Variants in MYO3B observed in about 807,000 individuals in gnomAD.
MYO3B encodes myosin IIIB, also known as myosin-IIIb.
A neutral mutation model predicts 174.6 loss-of-function variants in MYO3B; 156 were observed. The ratio of observed to expected loss-of-function variants is 0.89; its 90% CI spans 0.78 to 1.02. The LOEUF (loss-of-function observed/expected upper bound fraction) is 1.02, where lower values mean the gene tolerates loss of function less well. MYO3B is among the 50% of genes least tolerant of loss of function. The pLI, the probability that MYO3B is intolerant of heterozygous loss-of-function variation, is 0.00. For missense variants in MYO3B, 1,632 were observed against 1,639.4 expected (o/e 1.00, Z 0.08); for synonymous variants, 563 against 569.1 (o/e 0.99, Z 0.15).
chr2:170,395,568 G>A (rs926653517), intron 16 of MYO3B, among the ~76,000 whole-genome samples: 2 of 152,056 alleles, frequency 1.3e-5, no homozygotes, highest in African/African-American at 2.4e-5. Flanking sequence ...AATATGACTC[G>A]GGAGTCTTGA....
rs760919573 is a variant in MYO3B at position 170,254,304 on chromosome 2, A to G, written c.749+18168A>G. Among the ~76,000 whole-genome samples, 4 of 152,302 alleles carry G rather than the reference A, an allele frequency of 2.6e-5. No individual in the cohort carries two copies. In the Middle Eastern group the frequency reaches 0.01, roughly 389 times the overall value. The stretch of plus-strand genomic sequence containing the variant: ...GCATGGCGCCCAGAAGGTTACACTC[A>G]TGTGGGGCAGCTGCAGCAAAACACC... On this transcript the variant is annotated intron_variant, in intron 7 of 34. Coordinates refer to ENST00000408978, the MANE Select transcript of MYO3B (RefSeq NM_138995.5).
intron 7 of MYO3B, among the ~76,000 whole-genome samples, chr2:170,321,998 C>A (rs2093830983): frequency 6.6e-6 from 1 of 151,718 alleles, no homozygotes; most frequent in Admixed American, 6.6e-5. Context: ...CCTGTAATCC[C>A]AGGTACTCAG....
At chr2:170,389,666 C>G (rs1054431963) in intron 14 of MYO3B, among the ~76,000 whole-genome samples, 1 of 152,134 alleles carries the variant, frequency 6.6e-6, no homozygotes. Context: ...AAAGCCTGCA[C>G]ATGTAACAGA....
At chr2:170,545,006 AACAG>A (rs1368404207) in intron 32 of MYO3B, among the ~76,000 whole-genome samples, 1 of 152,200 alleles carries the variant, frequency 6.6e-6, no homozygotes. Context: ...TCTCTATCCA[AACAG>A]ACAGTCTCTG....
intron 8 of MYO3B, among the ~76,000 whole-genome samples, chr2:170,366,092 C>A (rs987622115): frequency 6.6e-6 from 1 of 152,056 alleles, no homozygotes; most frequent in Non-Finnish European, 1.5e-5. Flanking sequence ...GTTCTTCTGT[C>A]CAGCACATGG....
intron 25 of MYO3B, among the ~76,000 whole-genome samples, chr2:170,489,651 G>GTGTGTGTGTGTGTGTT (rs1686312609): frequency 6.7e-6 from 1 of 148,732 alleles, no homozygotes; most frequent in Non-Finnish European, 1.5e-5. Flanking sequence ...GTGTGTGTGT[G>GTGTGTGTGTGTGTGTT]TGTGTGTGTG....
chr2:170,280,775 C>G (rs1455226936), intron 7 of MYO3B, among the ~76,000 whole-genome samples: 1 of 152,098 alleles, frequency 6.6e-6, no homozygotes, highest in Admixed American at 6.5e-5. Flanking sequence ...TGTCAAAGAT[C>G]AGATGGTCAT....
intron 6 of MYO3B, among the ~76,000 whole-genome samples, chr2:170,235,346 C>T (rs939986706): frequency 3.3e-5 from 5 of 152,244 alleles, no homozygotes; most frequent in African/African-American, 1.2e-4. Flanking sequence ...TTACAGACTC[C>T]TCAACCCAAT....
intron 32 of MYO3B, among the ~76,000 whole-genome samples, chr2:170,594,442 C>T (rs1335977439): frequency 1.3e-5 from 2 of 152,168 alleles, no homozygotes; most frequent in Admixed American, 1.3e-4. Context: ...CCCTGGAATA[C>T]CTGAAGCCAG....
At chr2:170,491,535 C>A (rs530305361) in intron 25 of MYO3B, among the ~76,000 whole-genome samples, 1 of 152,178 alleles carries the variant, frequency 6.6e-6, no homozygotes, top group African/African-American at 2.4e-5. Flanking sequence ...ACGCCATTCT[C>A]CTGCCTCAGC....
rs201702095 is a variant in MYO3B at position 170,449,777 on chromosome 2, C to CAA, written c.2730+5742_2730+5743dup. On this transcript the variant is annotated intron_variant, in intron 23 of 34. Transcript: ENST00000408978. Reference sequence around the variant, plus strand: ...GGGTGACAAGAGCAGAACTCTGTCTCAAAAAAAAAAAAGAAAAGAAAAAGA... The same window carrying CAA: ...GGGTGACAAGAGCAGAACTCTGTCTCAAAAAAAAAAAAAAGAAAAGAAAAAGA... Among the ~76,000 whole-genome samples the CAA allele has an allele frequency of 7.0e-4, 92 of 131,582 alleles. No homozygotes were observed. In the South Asian group the frequency reaches 0.016, roughly 23 times the overall value. The allele number at this position is 131,582 out of a possible 152,430, so 86.3% of individuals were successfully genotyped here.
rs368829916 is a variant in MYO3B, at chr2:170,467,202, A to G, written c.3014+491A>G. Among the ~76,000 whole-genome samples, 203 of 152,318 alleles carry G rather than the reference A, an allele frequency of 1.3e-3. 5 individuals are homozygous for G. In the South Asian group the frequency reaches 0.041, roughly 30 times the overall value. ...AGAACAACCCTATAAGCTAGACTCTATTATCATCCCCATTTTACAAAACGT... is the reference window on the plus strand; with the variant it reads ...AGAACAACCCTATAAGCTAGACTCTGTTATCATCCCCATTTTACAAAACGT... On this transcript the variant is annotated intron_variant, in intron 25 of 34. Coordinates refer to ENST00000408978, the MANE Select transcript of MYO3B (RefSeq NM_138995.5).
At chr2:170,525,494 T>A (rs1575115929) in intron 30 of MYO3B, among the ~76,000 whole-genome samples, 1 of 152,298 alleles carries the variant, frequency 6.6e-6, no homozygotes, top group East Asian at 1.9e-4. Flanking sequence ...CCTGTTTTTG[T>A]GTAAAAGGAA....
chr2:170,183,828 T>C (rs983816187), intron 1 of MYO3B, among the ~76,000 whole-genome samples: 2 of 152,164 alleles, frequency 1.3e-5, no homozygotes, highest in African/African-American at 2.4e-5. Flanking sequence ...GAGATATGTT[T>C]CTGTGCTGTT....
chr2:170,553,455 G>A (rs954129514), intron 32 of MYO3B, among the ~76,000 whole-genome samples: 1 of 152,172 alleles, frequency 6.6e-6, no homozygotes, highest in Non-Finnish European at 1.5e-5. Context: ...GATTTGCATG[G>A]GGCCTATAGC....
At chr2:170,356,796 A>ATTTTTTTTTTTTTTTTG in intron 8 of MYO3B, among the ~76,000 whole-genome samples, 1 of 151,978 alleles carries the variant, frequency 6.6e-6, no homozygotes, top group East Asian at 1.9e-4. Flanking sequence ...AAAATGTTTT[A>ATTTTTTTTTTTTTTTTG]AGACAAGGTC....
chr2:170,371,701 A>C (rs1376847598), intron 9 of MYO3B, among the ~76,000 whole-genome samples: 6 of 151,964 alleles, frequency 3.9e-5, no homozygotes, highest in African/African-American at 1.2e-4. Context: ...AAAAAAAAAA[A>C]AACAGAAAAA....
At chr2:170,369,790 A>C (rs565039993) in intron 9 of MYO3B, among the ~76,000 whole-genome samples, 2 of 152,202 alleles carry the variant, frequency 1.3e-5, no homozygotes, top group South Asian at 2.1e-4. Context: ...AAGAGCAGTA[A>C]TGCAGGCTGT....
chr2:170,340,032 A>G (rs2093967782), intron 8 of MYO3B: 1 of 152,166 alleles, frequency 6.6e-6, no homozygotes. Context: ...AGGAGGCTCC[A>G]TTCAGAAGTA....
Sources: gnomAD v4.1 joint callset for allele counts (sites outside exome capture counted in the v4.1 genomes callset) on GRCh38, gnomAD v4.1.1 for gene constraint, MANE v1.5 for transcripts, NCBI Gene and HGNC (gene_info 2026-07-23, HGNC 2026-07-21) for gene names.